FRMD4A: variants seen among roughly 807,000 people sequenced by gnomAD.
FRMD4A encodes FERM domain-containing protein 4A.
Under a neutral mutation model 129.1 loss-of-function variants are expected in FRMD4A, and 29 were observed. That is an observed-to-expected ratio of 0.22 (90% confidence interval 0.17 to 0.31). The LOEUF is 0.31. Ranked by LOEUF, FRMD4A falls within the 10% of genes least tolerant of loss-of-function variation. FRMD4A has a pLI of 1.00. For synonymous variants in FRMD4A, 634 were observed against 571.6 expected (o/e 1.11, Z -1.56); for missense variants, 1,272 against 1,375.8 (o/e 0.92, Z 1.19).
chr10:13,866,656 G>A (rs1041006891), intron 2 of FRMD4A, among the ~76,000 whole-genome samples: 12 of 152,186 alleles, frequency 7.9e-5, no homozygotes, highest in Non-Finnish European at 1.8e-4. Context: ...TGGAAAGAAA[G>A]GACTTCAGGC....
At chr10:14,033,734 G>A (rs947036530) in intron 2 of FRMD4A, among the ~76,000 whole-genome samples, 3 of 151,786 alleles carry the variant, frequency 2.0e-5, no homozygotes, top group East Asian at 1.9e-4. Flanking sequence ...GCAGTGAGCC[G>A]AGATCGTGTC....
intron 6 of FRMD4A, among the ~76,000 whole-genome samples, chr10:13,770,019 T>C (rs560868542): frequency 3.3e-5 from 5 of 152,234 alleles, no homozygotes; most frequent in African/African-American, 9.6e-5. Context: ...AAGAAGTCTC[T>C]TTCTGTATAT....
At chr10:14,039,022 C>T (rs1030196653) in intron 2 of FRMD4A, among the ~76,000 whole-genome samples, 96 of 152,290 alleles carry the variant, frequency 6.3e-4, no homozygotes, top group Non-Finnish European at 1.1e-3. Context: ...CATTATAGAA[C>T]AGCAGCCAAA....
intron 2 of FRMD4A, among the ~76,000 whole-genome samples, chr10:13,952,691 A>G (rs949138840): frequency 1.3e-5 from 2 of 151,952 alleles, no homozygotes; most frequent in African/African-American, 2.4e-5. Flanking sequence ...TTTATTTTTT[A>G]ATTTTAATTT....
intron 2 of FRMD4A, among the ~76,000 whole-genome samples, chr10:14,162,638 T>G (rs369110707): frequency 1.5e-5 from 2 of 137,492 alleles, no homozygotes; most frequent in African/African-American, 6.2e-5. Context: ...CTGTTTTTTT[T>G]TTGTTTTTTT....
At chr10:13,658,132 TAAAAAAAAAAA>T (rs565374030) in intron 21 of FRMD4A, among the ~76,000 whole-genome samples, 1 of 81,274 alleles carries the variant, frequency 1.2e-5, no homozygotes, top group Admixed American at 1.6e-4. Context: ...CTGTCTCTCT[TAAAAAAAAAAA>T]AAAAAAAAAA....
intron 12 of FRMD4A, among the ~76,000 whole-genome samples, chr10:13,722,088 G>C (rs1571010): frequency 0.19 from 29,181 of 152,156 alleles, 3,003 homozygotes; most frequent in East Asian, 0.23. Context: ...CAGTGCAGCA[G>C]ATGCCAGGGT....
intron 2 of FRMD4A, among the ~76,000 whole-genome samples, chr10:14,006,315 G>A (rs890163174): frequency 8.5e-5 from 13 of 152,224 alleles, no homozygotes; most frequent in African/African-American, 3.1e-4. Context: ...CCATGTAACG[G>A]TGGGGTGTGC....
At chr10:14,138,022 A>G (rs2131837601) in intron 2 of FRMD4A, among the ~76,000 whole-genome samples, 1 of 152,330 alleles carries the variant, frequency 6.6e-6, no homozygotes, top group South Asian at 2.1e-4. Flanking sequence ...CAGTTGTTAG[A>G]TACAAAGACC....
intron 8 of FRMD4A, among the ~76,000 whole-genome samples, chr10:13,761,011 GATTTCAGGGCA>G (rs2130697508): frequency 6.6e-6 from 1 of 152,166 alleles, no homozygotes; most frequent in South Asian, 2.1e-4. Flanking sequence ...ATTTCAGGGC[GATTTCAGGGCA>G]ATTTCAGCCA....
At position 14,013,618 on chromosome 10, in the gene FRMD4A, C is replaced by A. The variant is rs1459058116; in HGVS notation, c.46-154706G>T. Among the ~76,000 whole-genome samples the A allele has an allele frequency of 2.0e-5, 3 of 152,238 alleles. No individual in the cohort carries two copies. The East Asian group carries it at 5.8e-4, about 29-fold the overall frequency. On this transcript the variant is annotated intron_variant, in intron 2 of 24. Coordinates refer to ENST00000357447, the MANE Select transcript of FRMD4A (RefSeq NM_018027.5). ...AAGGACAAGAGGTGGGCTTAAACAC[C>A]CATTAGTCCCAGAGAAAACCATGGC... is the stretch of plus-strand genomic sequence containing the variant.
chr10:13,754,867 G>A (rs924504144), intron 8 of FRMD4A, among the ~76,000 whole-genome samples: 3 of 152,028 alleles, frequency 2.0e-5, no homozygotes, highest in South Asian at 2.1e-4. Context: ...TCTATTTCTC[G>A]TACCATATGA....
intron 2 of FRMD4A, among the ~76,000 whole-genome samples, chr10:14,048,539 C>G (rs150256927): frequency 3.2e-4 from 48 of 152,206 alleles, no homozygotes; most frequent in African/African-American, 1.1e-3. Flanking sequence ...GGTGTGGTGG[C>G]TCATGCCTGT....
intron 2 of FRMD4A, among the ~76,000 whole-genome samples, chr10:13,864,880 A>G (rs897227415): frequency 2.0e-5 from 3 of 152,196 alleles, no homozygotes; most frequent in Admixed American, 6.5e-5. Flanking sequence ...CCTGGCCTGC[A>G]AAATAATTTC....
chr10:13,647,036 C>T lies in FRMD4A; in HGVS notation c.*3-1G>A. 1.1e-6 allele frequency: 1 copy of T among 895,438 alleles called. No individual in the cohort carries two copies. The highest frequency in any genetic ancestry group is 1.3e-6 in the Non-Finnish European group (1 of 747,424). The allele number at this position is 895,438 out of a possible 1,614,324, so 55.5% of individuals were successfully genotyped here. On this transcript the variant is annotated splice_acceptor_variant, in intron 24 of 24. Transcript: ENST00000357447. LOFTEE classifies it low-confidence loss of function (3UTR_SPLICE). ...CAGGAAACAGCTATCATTGTAGCTCCTGTGGGAGGCCCAAGAAAGGAGATG... is the reference window on the plus strand; with the variant it reads ...CAGGAAACAGCTATCATTGTAGCTCTTGTGGGAGGCCCAAGAAAGGAGATG...
intron 2 of FRMD4A, among the ~76,000 whole-genome samples, chr10:14,200,072 GAGTGC>G (rs1842591245): frequency 6.7e-6 from 1 of 148,704 alleles, no homozygotes. Flanking sequence ...GCCCAGGCTG[GAGTGC>G]AGTGCAGTGG....
intron 2 of FRMD4A, among the ~76,000 whole-genome samples, chr10:14,319,752 A>G (rs1157255556): frequency 6.6e-6 from 1 of 152,066 alleles, no homozygotes; most frequent in African/African-American, 2.4e-5. Flanking sequence ...TCTGCCTCCC[A>G]TACCAAATCT....
intron 2 of FRMD4A, among the ~76,000 whole-genome samples, chr10:13,867,724 TATATAATAAATAA>T (rs2094388583): frequency 9.3e-6 from 1 of 107,392 alleles, no homozygotes; most frequent in East Asian, 2.4e-4. Context: ...TATAATATAA[TATATAATAAATAA>T]CATATAATAT....
chr10:14,225,216 G>A, intron 2 of FRMD4A, among the ~76,000 whole-genome samples: 1 of 152,250 alleles, frequency 6.6e-6, no homozygotes, highest in East Asian at 1.9e-4. Context: ...TCATCATTTT[G>A]AACATATTAA....
Sources: gnomAD v4.1 joint callset for allele counts (sites outside exome capture counted in the v4.1 genomes callset) on GRCh38, gnomAD v4.1.1 for gene constraint, MANE v1.5 for transcripts, NCBI Gene and HGNC (gene_info 2026-07-23, HGNC 2026-07-21) for gene names.